The following AGBL1 variants were observed in gnomAD, a reference collection of about 807,000 sequenced individuals.
AGBL1 encodes cytosolic carboxypeptidase 4.
Under a neutral mutation model 118.9 loss-of-function variants are expected in AGBL1, and 130 were observed. That is an observed-to-expected ratio of 1.09 (90% CI 0.95 to 1.26). The LOEUF (loss-of-function observed/expected upper bound fraction) is 1.26. AGBL1 is among the 50% of genes most tolerant of loss of function. The pLI, the probability that AGBL1 is intolerant of heterozygous loss-of-function variation, is 0.00. For synonymous variants in AGBL1, 555 were observed against 478.9 expected, an observed-to-expected ratio of 1.16 and a Z score of -2.08; for missense variants, 1,584 against 1,298.1, an observed-to-expected ratio of 1.22 and a Z score of -3.38.
At chr15:86,740,617 T>C (rs1014595282) in intron 22 of AGBL1, among the ~76,000 whole-genome samples, 4 of 152,180 alleles carry the variant, frequency 2.6e-5, no homozygotes, top group African/African-American at 9.7e-5. Flanking sequence ...ACACAATTTA[T>C]AAGTGCTTGT....
At chr15:86,871,388 C>T (rs1385072273) in intron 22 of AGBL1, among the ~76,000 whole-genome samples, 1 of 152,122 alleles carries the variant, frequency 6.6e-6, no homozygotes, top group Non-Finnish European at 1.5e-5. Flanking sequence ...AAATGAACTC[C>T]TTGACCTGCC....
chr15:86,950,862 TAAC>T (rs1416187112), intron 23 of AGBL1, among the ~76,000 whole-genome samples: 4 of 151,774 alleles, frequency 2.6e-5, no homozygotes, highest in African/African-American at 4.8e-5. Context: ...TAAGTAAAAA[TAAC>T]AATGCAAAAA....
chr15:86,213,368 A>G (rs753827728), intron 5 of AGBL1, among the ~76,000 whole-genome samples: 2 of 152,142 alleles, frequency 1.3e-5, no homozygotes, highest in African/African-American at 2.4e-5. Flanking sequence ...CTGAGCACCC[A>G]CTGCCTCAGT....
intron 18 of AGBL1, among the ~76,000 whole-genome samples, chr15:86,461,249 A>T (rs893850286): frequency 1.3e-5 from 2 of 152,094 alleles, no homozygotes; most frequent in African/African-American, 4.8e-5. Context: ...CAACCACTCT[A>T]CTAGTTTTTA....
chr15:86,204,764 G>A (rs1029972642), intron 5 of AGBL1, among the ~76,000 whole-genome samples: 9 of 151,800 alleles, frequency 5.9e-5, no homozygotes, highest in African/African-American at 2.2e-4. Context: ...TAATTTTTGC[G>A]TTTTTAGTAG....
At chr15:86,482,517 T>C (rs745881248) in intron 18 of AGBL1, among the ~76,000 whole-genome samples, 4 of 152,160 alleles carry the variant, frequency 2.6e-5, no homozygotes, top group Admixed American at 6.6e-5. Flanking sequence ...TTTCTCCTCC[T>C]ATTTCATCTG....
At chr15:86,970,639 G>A (rs2081097937) in intron 23 of AGBL1, among the ~76,000 whole-genome samples, 1 of 151,904 alleles carries the variant, frequency 6.6e-6, no homozygotes, top group Non-Finnish European at 1.5e-5. Flanking sequence ...TAATGCAGAA[G>A]CAATATGTGA....
intron 22 of AGBL1, among the ~76,000 whole-genome samples, chr15:86,733,035 A>G (rs1382299809): frequency 6.7e-6 from 1 of 148,600 alleles, no homozygotes; most frequent in Non-Finnish European, 1.5e-5. Context: ...TACTATATAC[A>G]TGTATATCCC....
chr15:86,523,228 C>A (rs569316301), intron 19 of AGBL1, among the ~76,000 whole-genome samples: 2 of 152,136 alleles, frequency 1.3e-5, no homozygotes, highest in Non-Finnish European at 2.9e-5. Context: ...AGGAATAATC[C>A]TTCTTTGTCT....
intron 11 of AGBL1, among the ~76,000 whole-genome samples, chr15:86,265,347 G>A (rs1348610090): frequency 3.3e-5 from 5 of 152,230 alleles, no homozygotes; most frequent in South Asian, 2.1e-4. Context: ...CAGAGCTGGC[G>A]GGGAGTTGAT....
chr15:86,293,126 C>G (rs1355783423), intron 16 of AGBL1, among the ~76,000 whole-genome samples: 7 of 152,092 alleles, frequency 4.6e-5, no homozygotes, highest in African/African-American at 1.7e-4. Context: ...TTAGTCTATT[C>G]CTATTCAGAT....
intron 24 of AGBL1, among the ~76,000 whole-genome samples, chr15:87,023,971 G>T (rs777388800): frequency 5.0e-4 from 76 of 151,892 alleles, no homozygotes; most frequent in Middle Eastern, 3.4e-3. Flanking sequence ...AAACCTCTGA[G>T]ACACAAAAGG....
chr15:86,207,392 T>C (rs1306542835), intron 5 of AGBL1, among the ~76,000 whole-genome samples: 3 of 152,204 alleles, frequency 2.0e-5, no homozygotes, highest in Admixed American at 2.0e-4. Flanking sequence ...AATCTATAAA[T>C]TACCTTGGGC....
Position 86,914,878 on chromosome 15 carries a change from G to C in AGBL1, c.*7584G>C, listed in dbSNP as rs1048765452. The C allele has an allele frequency of 6.6e-6, 1 of 152,118 alleles. No homozygotes were observed. Among genetic ancestry groups the C allele is most frequent in the African/African-American group, 2.4e-5 (1 of 41,428 alleles). The allele number at this position is 152,118 out of a possible 1,614,324, so 9.4% of individuals were successfully genotyped here. On this transcript the variant is annotated 3_prime_UTR_variant, in exon 23 of 23. Coordinates refer to ENST00000614907, the MANE Select transcript of AGBL1 (RefSeq NM_001386094.1). Reference sequence around the variant, plus strand: ...TTGTAGATCCTTGACTCAAATACAAGTAACTCCTACTGGCCATTTCTGCAT... The same window carrying C: ...TTGTAGATCCTTGACTCAAATACAACTAACTCCTACTGGCCATTTCTGCAT...
At chr15:86,660,520 C>T (rs1254398397) in intron 21 of AGBL1, among the ~76,000 whole-genome samples, 1 of 152,052 alleles carries the variant, frequency 6.6e-6, no homozygotes, top group Non-Finnish European at 1.5e-5. Flanking sequence ...ACAATCTTTT[C>T]CCCTTAAAGT....
At chr15:86,210,102 G>C (rs1275693222) in intron 5 of AGBL1, among the ~76,000 whole-genome samples, 1 of 152,118 alleles carries the variant, frequency 6.6e-6, no homozygotes, top group African/African-American at 2.4e-5. Context: ...ATGAAATTCT[G>C]GGTTGAAAAT....
intron 22 of AGBL1, among the ~76,000 whole-genome samples, chr15:86,778,894 T>C (rs951330550): frequency 5.3e-5 from 8 of 152,128 alleles, no homozygotes; most frequent in Non-Finnish European, 8.8e-5. Context: ...TCACAATTTA[T>C]GTTCAGAGAT....
intron 17 of AGBL1, among the ~76,000 whole-genome samples, chr15:86,366,326 A>T (rs1331914743): frequency 6.6e-6 from 1 of 152,218 alleles, no homozygotes; most frequent in Non-Finnish European, 1.5e-5. Context: ...GAAGACCCTT[A>T]AAGAGCTTCC....
At chr15:86,426,714 C>T (rs538534188) in intron 18 of AGBL1, among the ~76,000 whole-genome samples, 2 of 152,290 alleles carry the variant, frequency 1.3e-5, no homozygotes, top group African/African-American at 4.8e-5. Flanking sequence ...CCTAAAGCTG[C>T]CCAAGTGGGG....
Sources: allele counts gnomAD v4.1 joint callset (sites outside exome capture counted in the v4.1 genomes callset), GRCh38; gene constraint gnomAD v4.1.1; transcripts MANE v1.5; gene names NCBI Gene and HGNC (gene_info 2026-07-23, HGNC 2026-07-21).